ABHD3: variants seen among roughly 807,000 people sequenced by gnomAD.
ABHD3 encodes phospholipase ABHD3.
A neutral mutation model predicts 48.8 loss-of-function variants in ABHD3; 46 were observed. That is an observed-to-expected ratio of 0.94 (90% CI 0.74 to 1.20). The LOEUF (loss-of-function observed/expected upper bound fraction) is 1.20. Ranked by LOEUF, ABHD3 falls within the 50% of genes most tolerant of loss-of-function variation. The pLI, the probability that ABHD3 is intolerant of heterozygous loss-of-function variation, is 0.00. For synonymous variants in ABHD3, 192 were observed against 183.7 expected, an observed-to-expected ratio of 1.04 and a Z score of -0.36; for missense variants, 490 against 497.8, an observed-to-expected ratio of 0.98 and a Z score of 0.15.
intron 4 of ABHD3, among the ~76,000 whole-genome samples, chr18:21,670,938 C>T (rs144120287): frequency 1.8e-4 from 28 of 152,236 alleles, no homozygotes; most frequent in African/African-American, 6.3e-4. Context: ...TGCTTGAACT[C>T]GGGAAGCAGA....
chr18:21,684,773 A>G (rs142947630), intron 3 of ABHD3, among the ~76,000 whole-genome samples: 1 of 152,344 alleles, frequency 6.6e-6, no homozygotes, highest in East Asian at 1.9e-4. Flanking sequence ...AGGTGTAAAC[A>G]TCACAGGTGA....
Position 21,689,603 on chromosome 18 carries a change from G to A in ABHD3, c.510-5638C>T, listed in dbSNP as rs375357307. On this transcript the variant is annotated intron_variant, in intron 3 of 8. Coordinates refer to ENST00000289119, the MANE Select transcript of ABHD3 (RefSeq NM_138340.5). ...AAATGCTCAGTCTCACAGGCTTGAA[G>A]AACTATTAAAACAGTTTGGGGCAAC... Among the ~76,000 whole-genome samples the A allele has an allele frequency of 7.5e-5, 9 of 120,402 alleles. No homozygotes were observed. In the East Asian group the frequency reaches 1.8e-3, roughly 24 times the overall value. 79.0% of individuals were successfully genotyped at this position (120,402 alleles called of 152,430 possible).
At chr18:21,682,858 C>A (rs1236950863) in intron 4 of ABHD3, 1 of 152,162 alleles carries the variant, frequency 6.6e-6, no homozygotes, top group African/African-American at 2.4e-5. Flanking sequence ...TATCTGTCTA[C>A]GAGATTCCTA....
chr18:21,690,659 A>G (rs1051314762), intron 3 of ABHD3, among the ~76,000 whole-genome samples: 1 of 150,624 alleles, frequency 6.6e-6, no homozygotes, highest in Non-Finnish European at 1.5e-5. Context: ...ATGAATAAGA[A>G]CCTCAATTAA....
At chr18:21,655,031 G>A (rs1363072828) in intron 8 of ABHD3, 1 of 152,084 alleles carries the variant, frequency 6.6e-6, no homozygotes, top group Non-Finnish European at 1.5e-5. Context: ...AAAGTTCAGA[G>A]TTTCATTTTC....
At chr18:21,656,337 G>C (rs533769151) in intron 8 of ABHD3, among the ~76,000 whole-genome samples, 4 of 152,128 alleles carry the variant, frequency 2.6e-5, no homozygotes, top group African/African-American at 9.6e-5. Context: ...ACCATGCCCA[G>C]CTAATTAATT....
At chr18:21,674,909 C>T (rs1387075473) in intron 4 of ABHD3, among the ~76,000 whole-genome samples, 1 of 151,980 alleles carries the variant, frequency 6.6e-6, no homozygotes, top group Non-Finnish European at 1.5e-5. Context: ...CAGAAAATGG[C>T]CCACAGTGGG....
At chr18:21,665,864 A>T (rs1177567146) in intron 4 of ABHD3, among the ~76,000 whole-genome samples, 1 of 151,750 alleles carries the variant, frequency 6.6e-6, no homozygotes, top group Non-Finnish European at 1.5e-5. Flanking sequence ...CAAATCCCCA[A>T]AATTTTAAAT....
At chr18:21,700,916 G>A (rs1368082450) in intron 3 of ABHD3, among the ~76,000 whole-genome samples, 1 of 133,358 alleles carries the variant, frequency 7.5e-6, no homozygotes, top group African/African-American at 2.9e-5. Flanking sequence ...TCATGCCACT[G>A]CGCTCCATGC....
At chr18:21,676,859 C>G (rs2039895899) in intron 4 of ABHD3, among the ~76,000 whole-genome samples, 1 of 152,056 alleles carries the variant, frequency 6.6e-6, no homozygotes, top group South Asian at 2.1e-4. Flanking sequence ...TGAGCCAGCC[C>G]TAACTTGAAC....
chr18:21,686,897 A>C (rs2040139989), intron 3 of ABHD3, among the ~76,000 whole-genome samples: 1 of 152,158 alleles, frequency 6.6e-6, no homozygotes, highest in Non-Finnish European at 1.5e-5. Context: ...TTCCTAAGGC[A>C]TTGAAAAATC....
Position 21,704,571 on chromosome 18 carries a change from AC to A in ABHD3, c.94del (p.Val32TrpfsTer18). ...GAAGCCCAGGATAAGGGATAAGCCCACCCCCGAGCCGAAGAACCCCACCCGG... is the reference window on the plus strand; with the variant it reads ...GAAGCCCAGGATAAGGGATAAGCCCACCCCGAGCCGAAGAACCCCACCCGG... ...QVRVGFFGSG[V>X]GLSLILGFSV... On this transcript the variant is annotated frameshift_variant, in exon 1 of 9. Transcript: ENST00000289119. LOFTEE classifies it high-confidence loss of function. The A allele has an allele frequency of 1.9e-6, 3 of 1,540,226 alleles. No homozygotes were observed. Among genetic ancestry groups the A allele is most frequent in the South Asian group, 1.2e-5 (1 of 82,140 alleles).
chr18:21,699,702 T>C (rs941042674), intron 3 of ABHD3, among the ~76,000 whole-genome samples: 8 of 152,154 alleles, frequency 5.3e-5, no homozygotes, highest in Non-Finnish European at 8.8e-5. Flanking sequence ...GTCTGTGAGA[T>C]AGAGTTTCGC....
intron 4 of ABHD3, among the ~76,000 whole-genome samples, chr18:21,674,975 C>T (rs754067510): frequency 6.6e-6 from 1 of 152,080 alleles, no homozygotes; most frequent in Non-Finnish European, 1.5e-5. Context: ...GTCCCTCCTA[C>T]ACTACTAGCT....
At chr18:21,703,894 A>G in intron 1 of ABHD3, 147 bp from the exon 2 acceptor site, 2 of 792,064 alleles carry the variant, frequency 2.5e-6, no homozygotes, top group Non-Finnish European at 4.0e-6. Flanking sequence ...ATTCACAGTC[A>G]CAGAGGACTG....
chr18:21,653,052 CAAAAAAAA>C lies in ABHD3; in HGVS notation c.1058-1297_1058-1290del, dbSNP rs745321830. Among the ~76,000 whole-genome samples the C allele has an allele frequency of 4.1e-4, 2 of 4,902 alleles. 1 individual carries two copies. Among genetic ancestry groups the C allele is most frequent in the Non-Finnish European group, 6.9e-4 (2 of 2,914 alleles). The allele number at this position is 4,902 out of a possible 152,430, so 3.2% of individuals were successfully genotyped here. ...TGGGCGACAGAGCAAGACTCCATCT[CAAAAAAAA>C]AAAAAAAAAAAAAAAAAAAAGAGCT... On this transcript the variant is annotated intron_variant, in intron 8 of 8. Transcript: ENST00000289119.
chr18:21,693,345 C>G (rs1370200599), intron 3 of ABHD3, among the ~76,000 whole-genome samples: 1 of 152,140 alleles, frequency 6.6e-6, no homozygotes, highest in African/African-American at 2.4e-5. Flanking sequence ...TGAGCAATGA[C>G]ATAATTTGTC....
chr18:21,651,276 C>G lies in ABHD3; in HGVS notation c.*315G>C, dbSNP rs1288353735. 1 of 180,160 alleles carries G rather than the reference C, an allele frequency of 5.6e-6. No individual in the cohort carries two copies. The highest frequency in any genetic ancestry group is 1.2e-5 in the Non-Finnish European group (1 of 86,034). The allele number at this position is 180,160 out of a possible 1,614,324, so 11.2% of individuals were successfully genotyped here. A position where few individuals can be genotyped will look rare whatever the true frequency, so the allele number is the denominator to read the frequency against. On this transcript the variant is annotated 3_prime_UTR_variant, in exon 9 of 9. Transcript: ENST00000289119. Reference sequence around the variant, plus strand: ...AAAAAATACTAGTTTAAATTAAAACCCTGAGGAATTAAAATTTGTTTTACA... The same window carrying G: ...AAAAAATACTAGTTTAAATTAAAACGCTGAGGAATTAAAATTTGTTTTACA...
At chr18:21,675,537 C>G (rs781245592) in intron 4 of ABHD3, among the ~76,000 whole-genome samples, 4 of 151,740 alleles carry the variant, frequency 2.6e-5, no homozygotes, top group Non-Finnish European at 5.9e-5. Flanking sequence ...AAAGTGCTGG[C>G]GTTACAGGTA....
Sources: gnomAD v4.1 joint callset for allele counts (sites outside exome capture counted in the v4.1 genomes callset) on GRCh38, gnomAD v4.1.1 for gene constraint, MANE v1.5 for transcripts, NCBI Gene and HGNC (gene_info 2026-07-23, HGNC 2026-07-21) for gene names.